Variants in TGFB2 observed in about 807,000 individuals in gnomAD.
TGFB2 encodes transforming growth factor beta 2.
A neutral mutation model predicts 42.7 loss-of-function variants in TGFB2; 13 were observed. The ratio of observed to expected loss-of-function variants is 0.30; its 90% CI spans 0.20 to 0.48. TGFB2 has a LOEUF of 0.48. TGFB2 is among the 20% of genes least tolerant of loss of function. The probability of loss-of-function intolerance (pLI) is 0.99; values close to 1 mark genes in which losing one functional copy is unlikely to be tolerated. For missense variants in TGFB2, 390 were observed against 517.5 expected (o/e 0.75, Z 2.39); for synonymous variants, 193 against 193.6 (o/e 1.00, Z 0.03).
intron 1 of TGFB2, among the ~76,000 whole-genome samples, chr1:218,399,256 G>A (rs1487821592): frequency 6.6e-6 from 1 of 152,114 alleles, no homozygotes; most frequent in Non-Finnish European, 1.5e-5. Context: ...CCCTTCAACA[G>A]CTTCTCCTAA....
intron 1 of TGFB2, among the ~76,000 whole-genome samples, chr1:218,378,683 T>G (rs986212340): frequency 2.0e-5 from 3 of 151,894 alleles, no homozygotes; most frequent in Admixed American, 1.3e-4. Context: ...CATAGCTCAC[T>G]GCAGCCTGGA....
chr1:218,411,161 C>A (rs893649831), intron 2 of TGFB2, among the ~76,000 whole-genome samples: 2 of 152,220 alleles, frequency 1.3e-5, no homozygotes, highest in African/African-American at 4.8e-5. Context: ...CATTTAAAAC[C>A]TTACCACCTC....
chr1:218,381,033 G>A (rs1014925240), intron 1 of TGFB2, among the ~76,000 whole-genome samples: 2 of 152,120 alleles, frequency 1.3e-5, no homozygotes, highest in Non-Finnish European at 2.9e-5. Context: ...TCTGTTCCAA[G>A]GTCTCTTTGT....
At chr1:218,350,280 T>C (rs938678110) in intron 1 of TGFB2, among the ~76,000 whole-genome samples, 6 of 152,186 alleles carry the variant, frequency 3.9e-5, no homozygotes, top group African/African-American at 1.2e-4. Context: ...GTTCTAACCC[T>C]GGTGATTTTG....
At chr1:218,429,692 T>C (rs984203818) in intron 2 of TGFB2, among the ~76,000 whole-genome samples, 8 of 152,248 alleles carry the variant, frequency 5.3e-5, no homozygotes, top group African/African-American at 1.9e-4. Flanking sequence ...AAAAACTTTC[T>C]TTCCTATAGG....
intron 1 of TGFB2, among the ~76,000 whole-genome samples, chr1:218,393,088 G>A (rs931239822): frequency 1.1e-4 from 16 of 152,210 alleles, no homozygotes; most frequent in Non-Finnish European, 1.6e-4. Flanking sequence ...GAAAAGATTA[G>A]AGAAAGATTT....
Position 218,380,454 on chromosome 1 carries a change from GT to G in TGFB2, c.347-24705del, listed in dbSNP as rs142899133. Among the ~76,000 whole-genome samples the G allele has an allele frequency of 8.4e-4, 125 of 149,622 alleles. 1 individual carries two copies. The highest frequency in any genetic ancestry group is 2.7e-3 in the African/African-American group (110 of 40,840). On this transcript the variant is annotated intron_variant, in intron 1 of 6. Transcript: ENST00000366930. ...ATGCAAAGTTCTCTTTAGATGGCCT[GT>G]TTTTTTTTTCCTAGCTAACCCCTTT...
chr1:218,350,436 A>C (rs1656835135), intron 1 of TGFB2, among the ~76,000 whole-genome samples: 1 of 152,202 alleles, frequency 6.6e-6, no homozygotes, highest in Admixed American at 6.5e-5. Flanking sequence ...CCTATAATGC[A>C]TAGGGCAACC....
chr1:218,438,650 A>T (rs1660049705), intron 6 of TGFB2, among the ~76,000 whole-genome samples: 1 of 152,182 alleles, frequency 6.6e-6, no homozygotes, highest in Non-Finnish European at 1.5e-5. Context: ...ATGAAGACAG[A>T]GTTGATTCAG....
At chr1:218,361,039 G>C (rs1657192668) in intron 1 of TGFB2, among the ~76,000 whole-genome samples, 1 of 152,206 alleles carries the variant, frequency 6.6e-6, no homozygotes, top group Admixed American at 6.5e-5. Context: ...ATTTTTAGTA[G>C]AGACGGAGTT....
chr1:218,386,372 G>T (rs983465974), intron 1 of TGFB2, among the ~76,000 whole-genome samples: 10 of 152,154 alleles, frequency 6.6e-5, no homozygotes, highest in African/African-American at 2.4e-4. Flanking sequence ...ATATGAGATT[G>T]CCAGATGTCA....
At chr1:218,378,370 T>C (rs999264559) in intron 1 of TGFB2, among the ~76,000 whole-genome samples, 2 of 152,120 alleles carry the variant, frequency 1.3e-5, no homozygotes, top group Non-Finnish European at 2.9e-5. Context: ...AGAGACGGGG[T>C]TTCGCCATGT....
At chr1:218,361,622 C>G (rs1477597364) in intron 1 of TGFB2, among the ~76,000 whole-genome samples, 1 of 152,206 alleles carries the variant, frequency 6.6e-6, no homozygotes, top group Non-Finnish European at 1.5e-5. Context: ...AAGTGACTTA[C>G]TCTGCATATT....
chr1:218,411,102 T>C (rs1306885187), intron 2 of TGFB2, among the ~76,000 whole-genome samples: 2 of 152,204 alleles, frequency 1.3e-5, no homozygotes, highest in Non-Finnish European at 2.9e-5. Context: ...AGCTCTCCAG[T>C]ATTTCTAGTT....
intron 5 of TGFB2, among the ~76,000 whole-genome samples, chr1:218,436,611 A>G (rs1253142678): frequency 6.6e-6 from 1 of 152,232 alleles, no homozygotes; most frequent in African/African-American, 2.4e-5. Context: ...TAGCAACAGC[A>G]TATGAGAGAA....
chr1:218,405,490 T>A, intron 2 of TGFB2, 158 bp downstream of exon 2: 1 of 1,283,488 alleles, frequency 7.8e-7, no homozygotes, highest in Non-Finnish European at 1.1e-6. Context: ...TCAGCCTCCC[T>A]AGTCAATGGG....
intron 1 of TGFB2, among the ~76,000 whole-genome samples, chr1:218,375,572 T>C (rs1431471097): frequency 1.3e-5 from 2 of 152,236 alleles, no homozygotes; most frequent in Admixed American, 1.3e-4. Context: ...AAGGTGATCA[T>C]TGAAGACTTT....
chr1:218,376,745 T>C (rs1657755120), intron 1 of TGFB2, among the ~76,000 whole-genome samples: 1 of 152,224 alleles, frequency 6.6e-6, no homozygotes, highest in Admixed American at 6.5e-5. Flanking sequence ...ATTACTATAT[T>C]ATCCCTGCCC....
At chr1:218,365,248 G>A (rs1345294763) in intron 1 of TGFB2, among the ~76,000 whole-genome samples, 1 of 151,534 alleles carries the variant, frequency 6.6e-6, no homozygotes, top group East Asian at 1.9e-4. Context: ...CCCTTTTTTG[G>A]CTTTTCCTTT....
Sources: gnomAD v4.1 joint callset for allele counts (sites outside exome capture counted in the v4.1 genomes callset) on GRCh38, gnomAD v4.1.1 for gene constraint, MANE v1.5 for transcripts, NCBI Gene and HGNC (gene_info 2026-07-23, HGNC 2026-07-21) for gene names.